LIPA: variants seen among roughly 807,000 people sequenced by gnomAD.
The protein encoded by LIPA is lipase A, lysosomal acid type, also known as lysosomal acid lipase/cholesteryl ester hydrolase.
LIPA carries 26 observed loss-of-function variants against 40.6 expected under a neutral mutation model. That is an observed-to-expected ratio of 0.64 (90% CI 0.47 to 0.89). The LOEUF (loss-of-function observed/expected upper bound fraction) is 0.89. Among genes scored for constraint, LIPA ranks in the 40% least tolerant of loss-of-function variants. The pLI is 0.00. For missense variants in LIPA, 455 were observed against 479.6 expected (o/e 0.95, Z 0.48); for synonymous variants, 188 against 168.4 (o/e 1.12, Z -0.90).
chr10:89,311,673 A>G (rs184102654), intron 1 of LIPA, among the ~76,000 whole-genome samples: 87 of 152,342 alleles, frequency 5.7e-4, no homozygotes, highest in African/African-American at 2.0e-3. Flanking sequence ...AGAGTTCACT[A>G]GAATATTTAA....
At chr10:89,383,441 T>C (rs1217517562) in intron 2 of LIPA, 1 of 1,614,216 alleles carries the variant, frequency 6.2e-7, no homozygotes, top group South Asian at 1.1e-5. Context: ...TGGGAAGAGA[T>C]TCAGTTCCTG....
At chr10:89,343,505 G>T (rs764078020), upstream of LIPA, among the ~76,000 whole-genome samples, 5 of 152,134 alleles carry the variant, frequency 3.3e-5, no homozygotes, top group Non-Finnish European at 5.9e-5. Context: ...AGTTTCCATG[G>T]TTCACTCCAG....
intron 2 of LIPA, among the ~76,000 whole-genome samples, chr10:89,412,351 A>G (rs563675320): frequency 5.3e-5 from 8 of 152,094 alleles, no homozygotes; most frequent in African/African-American, 1.9e-4. Flanking sequence ...GCACTCTGTC[A>G]AAATGGACCA....
chr10:89,405,927 C>T (rs1000494037), intron 2 of LIPA: 5 of 152,104 alleles, frequency 3.3e-5, no homozygotes, highest in African/African-American at 1.2e-4. Context: ...CAGAGCACCC[C>T]AAGAAAATCT....
In LIPA at chr10:89,214,957, C is replaced by CAGT; in HGVS notation, c.1068_1070dup (p.Leu357dup). 6.2e-7 allele frequency: 1 copy of CAGT among 1,614,126 alleles called. No individual in the cohort carries two copies. Among genetic ancestry groups the CAGT allele is most frequent in the Non-Finnish European group, 8.5e-7 (1 of 1,179,998 alleles). ...GGAACACCAAGTTGGTGATCTGAGT[C>CAGT]AGTAAGATATTGACGTCGTAGACAT... On this transcript the variant is annotated inframe_insertion, in exon 10 of 10. Transcript: ENST00000336233.
In LIPA at chr10:89,373,964, G is replaced by GA. The variant is rs545008125; in HGVS notation, c.61+38826dup. Among the ~76,000 whole-genome samples the GA allele has an allele frequency of 1.4e-4, 22 of 152,206 alleles. 1 individual carries two copies. Among genetic ancestry groups the GA allele is most frequent in the Middle Eastern group, 3.4e-3 (1 of 294 alleles). On this transcript the variant is annotated intron_variant, in intron 2 of 8. Transcript: ENST00000371837. ...AATCACTTTGGGATTACTTTTTTCA[G>GA]AAAACTTACTGATAATACTCATGCC...
intron 3 of LIPA, among the ~76,000 whole-genome samples, chr10:89,229,393 A>C (rs1240783126): frequency 6.6e-6 from 1 of 152,206 alleles, no homozygotes; most frequent in African/African-American, 2.4e-5. Context: ...TCTGCATGAT[A>C]CTATAGAGGT....
At chr10:89,381,374 C>A (rs1844161504) in intron 2 of LIPA, among the ~76,000 whole-genome samples, 1 of 152,158 alleles carries the variant, frequency 6.6e-6, no homozygotes, top group Non-Finnish European at 1.5e-5. Context: ...ATTTTACTTA[C>A]TCCTGACCCC....
chr10:89,368,351 T>C lies in LIPA; in HGVS notation c.61+44440A>G, dbSNP rs557237511. On this transcript the variant is annotated intron_variant, in intron 2 of 8. Transcript: ENST00000371837. ...CTCACAAGCCTTTGGCTACATCACA[T>C]TTGTGTGTTAGGCCTAAATTATGAT... Among the ~76,000 whole-genome samples the C allele has an allele frequency of 5.3e-5, 8 of 152,320 alleles. No homozygotes were observed. In the South Asian group the frequency reaches 1.5e-3, roughly 28 times the overall value.
chr10:89,338,973 C>T (rs2133567537), intron 1 of LIPA: 2 of 1,614,172 alleles, frequency 1.2e-6, no homozygotes, highest in Non-Finnish European at 1.7e-6. Flanking sequence ...TCTACTATCA[C>T]TTGGGCAGAC....
intron 7 of LIPA, 76 bp from the exon 8 acceptor site, chr10:89,222,658 C>T (rs1248680105): frequency 4.1e-6 from 4 of 973,410 alleles, no homozygotes; most frequent in Non-Finnish European, 6.6e-6. Flanking sequence ...TGTATTTTGC[C>T]CTTCAAAGCA....
intron 2 of LIPA, among the ~76,000 whole-genome samples, chr10:89,395,615 A>G (rs774959949): frequency 6.6e-6 from 1 of 152,198 alleles, no homozygotes; most frequent in Non-Finnish European, 1.5e-5. Flanking sequence ...CCACAAGGGC[A>G]TCTGCCTGAT....
At chr10:89,304,355 T>C (rs1488375337) in intron 1 of LIPA, among the ~76,000 whole-genome samples, 3 of 152,136 alleles carry the variant, frequency 2.0e-5, no homozygotes, top group Non-Finnish European at 2.9e-5. Context: ...CAAACAGATC[T>C]GTTTTTATTC....
intron 2 of LIPA, among the ~76,000 whole-genome samples, chr10:89,367,051 C>T (rs1844061455): frequency 6.6e-6 from 1 of 152,056 alleles, no homozygotes; most frequent in South Asian, 2.1e-4. Context: ...TGGAAGCCAT[C>T]ATTTTCAGCA....
intron 1 of LIPA, among the ~76,000 whole-genome samples, chr10:89,296,472 A>T (rs1589592329): frequency 6.8e-6 from 1 of 146,720 alleles, no homozygotes; most frequent in Middle Eastern, 3.4e-3. Context: ...AGCTTTGGCA[A>T]CAGAGCGAGA....
At chr10:89,242,745 G>A (rs1842977890) in intron 3 of LIPA, among the ~76,000 whole-genome samples, 1 of 152,210 alleles carries the variant, frequency 6.6e-6, no homozygotes, top group Admixed American at 6.5e-5. Flanking sequence ...GTATTTTTGT[G>A]TGTATTAAAA....
intron 8 of LIPA, among the ~76,000 whole-genome samples, chr10:89,218,439 T>C (rs1032274942): frequency 1.1e-4 from 17 of 152,236 alleles, no homozygotes; most frequent in African/African-American, 4.1e-4. Flanking sequence ...TTTTTAATTA[T>C]GGCAGAGACT....
At chr10:89,375,378 T>C (rs1034606606) in intron 2 of LIPA, among the ~76,000 whole-genome samples, 2 of 152,216 alleles carry the variant, frequency 1.3e-5, no homozygotes, top group Non-Finnish European at 2.9e-5. Flanking sequence ...GTTTTAATAG[T>C]TCTCATTATG....
At chr10:89,378,134 C>G (rs1304365122) in intron 2 of LIPA, 3 of 1,613,962 alleles carry the variant, frequency 1.9e-6, no homozygotes, top group Non-Finnish European at 2.5e-6. Flanking sequence ...CTTCATAGCA[C>G]CATGAGGTAA....
Sources: gnomAD v4.1 joint callset for allele counts (sites outside exome capture counted in the v4.1 genomes callset) on GRCh38, gnomAD v4.1.1 for gene constraint, MANE v1.5 for transcripts, NCBI Gene and HGNC (gene_info 2026-07-23, HGNC 2026-07-21) for gene names.